PALLD: variants seen among roughly 807,000 people sequenced by gnomAD.
PALLD encodes the protein palladin, cytoskeletal associated protein, also known as palladin.
A neutral mutation model predicts 123.5 loss-of-function variants in PALLD; 61 were observed. The ratio of observed to expected loss-of-function variants is 0.49; its 90% CI spans 0.40 to 0.61. The LOEUF is 0.61. PALLD is among the 20% of genes least tolerant of loss of function. The pLI is 0.00. For missense variants in PALLD, 1,273 were observed against 1,377.0 expected (o/e 0.92, Z 1.20); for synonymous variants, 465 against 496.4 (o/e 0.94, Z 0.84).
intron 2 of PALLD, among the ~76,000 whole-genome samples, chr4:168,634,044 C>A (rs1160126748): frequency 1.3e-5 from 2 of 152,148 alleles, no homozygotes; most frequent in East Asian, 3.9e-4. Context: ...GTTGCATGAG[C>A]TTTGTTTATG....
chr4:168,728,822 A>G (rs1786855582), intron 10 of PALLD, among the ~76,000 whole-genome samples: 1 of 152,132 alleles, frequency 6.6e-6, no homozygotes, highest in Non-Finnish European at 1.5e-5. Context: ...AGTATACACT[A>G]CACCATATTT....
chr4:168,540,812 A>C (rs947826028), intron 2 of PALLD, among the ~76,000 whole-genome samples: 2 of 145,628 alleles, frequency 1.4e-5, no homozygotes, highest in East Asian at 1.9e-4. Context: ...GGAAGAAAAA[A>C]AAAAAAAAGC....
intron 3 of PALLD, among the ~76,000 whole-genome samples, chr4:168,670,765 C>CAAAAAAAAAAAAAAAAAAAAAA (rs367710328): frequency 9.1e-6 from 1 of 109,506 alleles, no homozygotes; most frequent in Admixed American, 9.6e-5. Flanking sequence ...ACAAAAAAAA[C>CAAAAAAAAAAAAAAAAAAAAAA]AAAAAAAAAC....
At chr4:168,856,428 C>T (rs1748617007) in intron 10 of PALLD, among the ~76,000 whole-genome samples, 1 of 152,166 alleles carries the variant, frequency 6.6e-6, no homozygotes, top group Admixed American at 6.5e-5. Flanking sequence ...AATTTCCAAA[C>T]TGCTTTCCAC....
intron 10 of PALLD, among the ~76,000 whole-genome samples, chr4:168,737,237 G>T (rs950130466): frequency 5.9e-5 from 9 of 152,316 alleles, no homozygotes; most frequent in Admixed American, 3.9e-4. Flanking sequence ...TGAACAAAAT[G>T]CTCACATCCC....
intron 10 of PALLD, among the ~76,000 whole-genome samples, chr4:168,762,520 AAAC>A (rs1162244398): frequency 6.6e-6 from 1 of 152,168 alleles, no homozygotes; most frequent in Non-Finnish European, 1.5e-5. Context: ...AAAAGTCAGG[AAAC>A]AACAGATGCT....
chr4:168,760,951 G>A (rs1341031967), intron 10 of PALLD, among the ~76,000 whole-genome samples: 1 of 152,136 alleles, frequency 6.6e-6, no homozygotes, highest in Non-Finnish European at 1.5e-5. Flanking sequence ...AAGCTACAGG[G>A]AAATAGGAAG....
intron 2 of PALLD, among the ~76,000 whole-genome samples, chr4:168,573,580 A>G (rs1172202302): frequency 6.6e-6 from 1 of 152,136 alleles, no homozygotes; most frequent in Non-Finnish European, 1.5e-5. Context: ...ACAATAAATC[A>G]GTAACTACAA....
intron 10 of PALLD, among the ~76,000 whole-genome samples, chr4:168,778,950 C>T (rs6849803): frequency 0.19 from 29,110 of 152,222 alleles, 2,871 homozygotes; most frequent in Middle Eastern, 0.23. Flanking sequence ...CATGAGCCAC[C>T]GTCCTCCGCC....
rs1762564640 is a variant in PALLD, at chr4:168,926,218, T to G, written c.*38T>G. ...TTTACTCTTTTTCTTTGTAGCCCAG[T>G]GGCATCAGCAGTCACAGAGCACCAA... On this transcript the variant is annotated 3_prime_UTR_variant, in exon 22 of 22. Coordinates refer to ENST00000505667, the MANE Select transcript of PALLD (RefSeq NM_001166108.2). The G allele has an allele frequency of 6.5e-7, 1 of 1,530,678 alleles. No individual in the cohort carries two copies. Among genetic ancestry groups the G allele is most frequent in the Non-Finnish European group, 8.7e-7 (1 of 1,143,100 alleles). 94.8% of individuals were successfully genotyped at this position (1,530,678 alleles called of 1,614,324 possible).
chr4:168,575,660 T>G (rs1219293120), intron 2 of PALLD, among the ~76,000 whole-genome samples: 1 of 152,050 alleles, frequency 6.6e-6, no homozygotes, highest in Non-Finnish European at 1.5e-5. Flanking sequence ...AACCACAACT[T>G]TCAGAACTCC....
chr4:168,620,474 C>T (rs1018960760), intron 2 of PALLD, among the ~76,000 whole-genome samples: 1 of 152,028 alleles, frequency 6.6e-6, no homozygotes, highest in Non-Finnish European at 1.5e-5. Context: ...AAAAAATTAC[C>T]CTTCATTGGG....
At chr4:168,625,814 T>G (rs918471788) in intron 2 of PALLD, among the ~76,000 whole-genome samples, 2 of 151,972 alleles carry the variant, frequency 1.3e-5, no homozygotes, top group Admixed American at 6.6e-5. Flanking sequence ...GCCCTGTTGG[T>G]GGAAATGTAA....
At chr4:168,759,769 T>G (rs557523635) in intron 10 of PALLD, among the ~76,000 whole-genome samples, 1 of 152,246 alleles carries the variant, frequency 6.6e-6, no homozygotes, top group East Asian at 1.9e-4. Flanking sequence ...AATAGAGTAT[T>G]TCCTGCTGGG....
chr4:168,547,566 CAAAAAAAAAA>C (rs11339394), intron 2 of PALLD, among the ~76,000 whole-genome samples: 4 of 70,934 alleles, frequency 5.6e-5, no homozygotes, highest in African/African-American at 1.2e-4. Context: ...TAATAAAATA[CAAAAAAAAAA>C]AAAAAAAAAA....
rs374124388 is a variant in PALLD at position 168,890,898 on chromosome 4, C to A, written c.1965-24C>A. 10 of 1,613,430 alleles carry A rather than the reference C, an allele frequency of 6.2e-6. No individual in the cohort carries two copies. The South Asian group carries it at 9.9e-5, about 16-fold the overall frequency. The stretch of plus-strand genomic sequence containing the variant: ...TTTATATGCCTGACAACTAACTATA[C>A]TGCCTTGTGTTTTTATCCTGCAGAG... On this transcript the variant is annotated intron_variant, in intron 10 of 21. Coordinates refer to ENST00000505667, the MANE Select transcript of PALLD (RefSeq NM_001166108.2).
At chr4:168,617,619 G>C (rs1465793486) in intron 2 of PALLD, among the ~76,000 whole-genome samples, 1 of 152,082 alleles carries the variant, frequency 6.6e-6, no homozygotes, top group Non-Finnish European at 1.5e-5. Flanking sequence ...AGACTCCCTG[G>C]GTCTGAATAC....
At chr4:168,877,881 C>T in intron 10 of PALLD, 10 of 1,443,612 alleles carry the variant, frequency 6.9e-6, no homozygotes, top group Non-Finnish European at 9.1e-6. Context: ...CCGCCCGCGT[C>T]CCCGGAGCCC....
At chr4:168,550,035 T>C (rs1335472575) in intron 2 of PALLD, among the ~76,000 whole-genome samples, 1 of 152,214 alleles carries the variant, frequency 6.6e-6, no homozygotes, top group Admixed American at 6.5e-5. Context: ...AAAATAAATC[T>C]GAGTAATTTC....
Sources: gnomAD v4.1 joint callset for allele counts (sites outside exome capture counted in the v4.1 genomes callset) on GRCh38, gnomAD v4.1.1 for gene constraint, MANE v1.5 for transcripts, NCBI Gene and HGNC (gene_info 2026-07-23, HGNC 2026-07-21) for gene names.